SPTSSA: variants seen among roughly 807,000 people sequenced by gnomAD.
SPTSSA encodes the protein small subunit of serine palmitoyltransferase A.
SPTSSA carries 8 observed loss-of-function variants against 9.1 expected under a neutral mutation model. The ratio of observed to expected loss-of-function variants is 0.88; its 90% CI spans 0.51 to 1.58. SPTSSA has a LOEUF of 1.58. Among genes scored for constraint, SPTSSA ranks in the 40% most tolerant of loss-of-function variants. The pLI is 0.00. For synonymous variants in SPTSSA, 42 were observed against 37.7 expected (o/e 1.11, Z -0.41); for missense variants, 100 against 93.8 (o/e 1.07, Z -0.27).
chr14:34,452,355 A>G (rs1263257585), intron 1 of SPTSSA, among the ~76,000 whole-genome samples: 1 of 152,086 alleles, frequency 6.6e-6, no homozygotes, highest in African/African-American at 2.4e-5. Context: ...TTATACTGTC[A>G]CAATATTATA....
chr14:34,457,585 T>A (rs1328563801), intron 1 of SPTSSA, among the ~76,000 whole-genome samples: 2 of 152,244 alleles, frequency 1.3e-5, no homozygotes, highest in African/African-American at 2.4e-5. Context: ...CATTTCTCTG[T>A]AAGATAGAAA....
chr14:34,438,534 T>C (rs532075793), intron 1 of SPTSSA, among the ~76,000 whole-genome samples: 1 of 152,160 alleles, frequency 6.6e-6, no homozygotes, highest in Non-Finnish European at 1.5e-5. Flanking sequence ...TTACGGTACA[T>C]TTCCATCTAT....
chr14:34,453,088 AAT>A (rs762703717), intron 1 of SPTSSA, among the ~76,000 whole-genome samples: 56 of 152,170 alleles, frequency 3.7e-4, no homozygotes, highest in Non-Finnish European at 1.2e-4. Flanking sequence ...TAACATACAA[AAT>A]ATGTTAATCG....
chr14:34,451,379 A>G (rs1883517748), intron 1 of SPTSSA, among the ~76,000 whole-genome samples: 1 of 152,224 alleles, frequency 6.6e-6, no homozygotes. Context: ...AAGCAAAGCT[A>G]AAACAACATT....
chr14:34,458,560 G>C (rs1339485923), intron 1 of SPTSSA, among the ~76,000 whole-genome samples: 4 of 150,102 alleles, frequency 2.7e-5, no homozygotes, highest in Non-Finnish European at 4.4e-5. Flanking sequence ...GCAGTGGCAC[G>C]ATCTCGGCTC....
At chr14:34,450,955 C>T (rs1883509437) in intron 1 of SPTSSA, among the ~76,000 whole-genome samples, 1 of 151,578 alleles carries the variant, frequency 6.6e-6, no homozygotes, top group African/African-American at 2.4e-5. Context: ...ATGTTGTTTT[C>T]TCTTTCTTTA....
At position 34,443,171 on chromosome 14, in the gene SPTSSA, G is replaced by GTGTGTGTGTGTGTGTGTTTT. The variant is rs775781106; in HGVS notation, c.113-7868_113-7867insAAAACACACACACACACACA. On this transcript the variant is annotated intron_variant, in intron 1 of 1. Coordinates refer to ENST00000298130, the MANE Select transcript of SPTSSA (RefSeq NM_138288.4). The stretch of plus-strand genomic sequence containing the variant: ...TGTGTGTGTGTGTGTGTGTGTGTGT[G>GTGTGTGTGTGTGTGTGTTTT]TTTTGAGATTGAGTTTTCCTCTAGG... Among the ~76,000 whole-genome samples, 6 of 62,126 alleles carry GTGTGTGTGTGTGTGTGTTTT rather than the reference G, an allele frequency of 9.7e-5. 1 individual carries two copies. The highest frequency in any genetic ancestry group is 1.1e-3 in the East Asian group (2 of 1,868). The allele number at this position is 62,126 out of a possible 152,430, so 40.8% of individuals were successfully genotyped here. A position where few individuals can be genotyped will look rare whatever the true frequency, so the allele number is the denominator to read the frequency against.
At chr14:34,436,699 T>C (rs1323516785) in intron 1 of SPTSSA, among the ~76,000 whole-genome samples, 1 of 152,194 alleles carries the variant, frequency 6.6e-6, no homozygotes, top group Non-Finnish European at 1.5e-5. Context: ...ATGTTTATTA[T>C]GTTCATCACT....
At chr14:34,444,578 C>T (rs984613879) in intron 1 of SPTSSA, among the ~76,000 whole-genome samples, 2 of 151,990 alleles carry the variant, frequency 1.3e-5, no homozygotes, top group Non-Finnish European at 2.9e-5. Flanking sequence ...ATAGTGAAAC[C>T]CTGTCTCTAC....
intron 1 of SPTSSA, among the ~76,000 whole-genome samples, chr14:34,447,225 TAAAAA>T (rs79063928): frequency 2.5e-4 from 21 of 85,306 alleles, no homozygotes; most frequent in African/African-American, 9.0e-4. Context: ...CTCCATCTCT[TAAAAA>T]AAAAAAAAAA....
chr14:34,462,164 C>G lies in SPTSSA; in HGVS notation c.44G>C (p.Trp15Ser). The change falls in exon 1 of 2, where the codon TGG becomes TCG. Residue 15 changes from tryptophan (W) to serine (S), a missense_variant. Physicochemically the swap from Trp to Ser is radical, Grantham distance 177 (BLOSUM62 -3). Transcript: ENST00000298130. ...GACCAGCAGGTACTGGTAGTAGAAC[C>G]AGGACATCTGCTTCCAGGCCCGCGC... ...ALARAWKQMSWFYYQYLLVTA... is the reference protein window; with the variant it reads ...ALARAWKQMSSFYYQYLLVTA... 6.5e-7 allele frequency: 1 copy of G among 1,534,250 alleles called. No homozygotes were observed. The highest frequency in any genetic ancestry group is 8.8e-7 in the Non-Finnish European group (1 of 1,136,360).
chr14:34,461,487 G>C (rs1878613972), intron 1 of SPTSSA, among the ~76,000 whole-genome samples: 1 of 152,190 alleles, frequency 6.6e-6, no homozygotes, highest in Non-Finnish European at 1.5e-5. Context: ...TTTTCGGGCC[G>C]ACTTCTACGG....
intron 1 of SPTSSA, among the ~76,000 whole-genome samples, chr14:34,458,897 A>T (rs1878550683): frequency 6.8e-6 from 1 of 146,580 alleles, no homozygotes; most frequent in Non-Finnish European, 1.5e-5. Flanking sequence ...TTCCCCTGAA[A>T]TTACAACTTT....
Position 34,433,509 on chromosome 14 carries a change from T to G in SPTSSA, c.*1692A>C, listed in dbSNP as rs1246518356. ...CAGCTCAGATATAACCATATCCAAT[T>G]TTTAACTACTTCAAACCAAGTAATT... On this transcript the variant is annotated 3_prime_UTR_variant, in exon 2 of 2. Coordinates refer to ENST00000298130, the MANE Select transcript of SPTSSA (RefSeq NM_138288.4). The G allele has an allele frequency of 6.6e-6, 1 of 152,148 alleles. No homozygotes were observed. Among genetic ancestry groups the G allele is most frequent in the Non-Finnish European group, 1.5e-5 (1 of 68,030 alleles). The allele number at this position is 152,148 out of a possible 1,614,324, so 9.4% of individuals were successfully genotyped here.
At chr14:34,451,587 G>A (rs1473404380) in intron 1 of SPTSSA, among the ~76,000 whole-genome samples, 2 of 152,120 alleles carry the variant, frequency 1.3e-5, no homozygotes, top group East Asian at 1.9e-4. Flanking sequence ...GCCGGGCGCG[G>A]TGGCGGGCGC....
chr14:34,435,137 G>A lies in SPTSSA; in HGVS notation c.*64C>T. The A allele has an allele frequency of 7.8e-7, 1 of 1,277,384 alleles. No homozygotes were observed. Among genetic ancestry groups the A allele is most frequent in the Non-Finnish European group, 1.1e-6 (1 of 888,768 alleles). 79.1% of individuals were successfully genotyped at this position (1,277,384 alleles called of 1,614,324 possible). A position where few individuals can be genotyped will look rare whatever the true frequency, so the allele number is the denominator to read the frequency against. The stretch of plus-strand genomic sequence containing the variant: ...GAAGAGTTTCTTATCACATCTGATG[G>A]TCTCATTCCAACTTCGTAGGGTGGG... On this transcript the variant is annotated 3_prime_UTR_variant, in exon 2 of 2. Transcript: ENST00000298130.
chr14:34,455,781 A>G (rs1277886772), intron 1 of SPTSSA, among the ~76,000 whole-genome samples: 1 of 151,818 alleles, frequency 6.6e-6, no homozygotes, highest in Non-Finnish European at 1.5e-5. Flanking sequence ...AAAATACAAA[A>G]ATTACCTGGG....
chr14:34,434,075 A>T lies in SPTSSA; in HGVS notation c.*1126T>A, dbSNP rs1883201355. ...ATAGGATAAGACATACTTACTGCTT[A>T]TCTGGTCCTCCACAGAAAATAATTC... is the stretch of plus-strand genomic sequence containing the variant. On this transcript the variant is annotated 3_prime_UTR_variant, in exon 2 of 2. Transcript: ENST00000298130. 6.6e-6 allele frequency: 1 copy of T among 152,194 alleles called. No individual in the cohort carries two copies. Among genetic ancestry groups the T allele is most frequent in the Non-Finnish European group, 1.5e-5 (1 of 68,036 alleles). 9.4% of individuals were successfully genotyped at this position (152,194 alleles called of 1,614,324 possible).
At chr14:34,460,089 T>A (rs1001600797) in intron 1 of SPTSSA, among the ~76,000 whole-genome samples, 14 of 152,186 alleles carry the variant, frequency 9.2e-5, no homozygotes, top group African/African-American at 3.4e-4. Flanking sequence ...ATTCAGTTCT[T>A]TCCACCAAGC....
Sources: gnomAD v4.1 joint callset for allele counts (sites outside exome capture counted in the v4.1 genomes callset) on GRCh38, gnomAD v4.1.1 for gene constraint, MANE v1.5 for transcripts, NCBI Gene and HGNC (gene_info 2026-07-23, HGNC 2026-07-21) for gene names.